Variants in TMEM178B observed in about 807,000 individuals in gnomAD.
TMEM178B encodes the protein transmembrane protein 178B.
A neutral mutation model predicts 31.0 loss-of-function variants in TMEM178B; 5 were observed. That is an observed-to-expected ratio of 0.16 (90% CI 0.08 to 0.34). The LOEUF (loss-of-function observed/expected upper bound fraction) is 0.34. TMEM178B is among the 10% of genes least tolerant of loss of function. The pLI is 1.00. For missense variants in TMEM178B, 275 were observed against 400.3 expected (o/e 0.69, Z 2.67); for synonymous variants, 164 against 164.0 (o/e 1.00, Z 0.00).
intron 2 of TMEM178B, among the ~76,000 whole-genome samples, chr7:141,217,682 C>T (rs1797181976): frequency 1.3e-5 from 2 of 152,088 alleles, no homozygotes; most frequent in Admixed American, 6.5e-5. Context: ...TCTTCTTTGC[C>T]CCTTGATCTG....
intron 3 of TMEM178B, among the ~76,000 whole-genome samples, chr7:141,455,276 T>A (rs1801943065): frequency 6.6e-6 from 1 of 152,246 alleles, no homozygotes; most frequent in African/African-American, 2.4e-5. Flanking sequence ...TCCCTAGTTC[T>A]ATGAAGTAGT....
chr7:141,150,253 A>C (rs1164972703), intron 1 of TMEM178B, among the ~76,000 whole-genome samples: 1 of 152,194 alleles, frequency 6.6e-6, no homozygotes, highest in Non-Finnish European at 1.5e-5. Context: ...ACAACCCTGA[A>C]CGGCCTTGAA....
chr7:141,337,479 CAA>C (rs568258168), intron 2 of TMEM178B, among the ~76,000 whole-genome samples: 4 of 151,908 alleles, frequency 2.6e-5, no homozygotes, highest in African/African-American at 4.8e-5. Flanking sequence ...AGGTAATTGT[CAA>C]AAAAACTCTA....
intron 2 of TMEM178B, among the ~76,000 whole-genome samples, chr7:141,226,382 C>T (rs1249930211): frequency 6.6e-6 from 1 of 152,136 alleles, no homozygotes; most frequent in Non-Finnish European, 1.5e-5. Context: ...GCCTGAGTCC[C>T]ACACACCACC....
rs10680431 is a variant in TMEM178B at position 141,223,479 on chromosome 7, C to CTTTTTTTT, written c.496+10785_496+10792dup. Among the ~76,000 whole-genome samples the CTTTTTTTT allele has an allele frequency of 9.6e-3, 1,257 of 131,044 alleles. 32 individuals carry two copies. Among genetic ancestry groups the CTTTTTTTT allele is most frequent in the African/African-American group, 0.036 (1,196 of 32,986 alleles). The allele number at this position is 131,044 out of a possible 152,430, so 86.0% of individuals were successfully genotyped here. A position where few individuals can be genotyped will look rare whatever the true frequency, so the allele number is the denominator to read the frequency against. On this transcript the variant is annotated intron_variant, in intron 2 of 3. Coordinates refer to ENST00000565468, the MANE Select transcript of TMEM178B (RefSeq NM_001195278.2). ...GCTGATGTTCTCTGCTGTTTTCACT[C>CTTTTTTTT]TTTTTTTTTTTTTTTTTGTATTTCC...
intron 1 of TMEM178B, among the ~76,000 whole-genome samples, chr7:141,186,186 G>C (rs1253515432): frequency 6.6e-6 from 1 of 152,166 alleles, no homozygotes; most frequent in Non-Finnish European, 1.5e-5. Flanking sequence ...TCAAGGTCAT[G>C]GATAGGAAAC....
At chr7:141,161,123 G>A (rs1275101499) in intron 1 of TMEM178B, among the ~76,000 whole-genome samples, 2 of 152,164 alleles carry the variant, frequency 1.3e-5, no homozygotes, top group Admixed American at 6.5e-5. Flanking sequence ...CCAAAGTGCT[G>A]GGATTACAGG....
chr7:141,490,725 A>T, the TMEM178B span, among the ~76,000 whole-genome samples: 2 of 152,198 alleles, frequency 1.3e-5, no homozygotes, highest in Admixed American at 6.5e-5. Flanking sequence ...TTTTATGGAG[A>T]TGGGTCTCCT....
intron 3 of TMEM178B, among the ~76,000 whole-genome samples, chr7:141,447,462 C>G (rs1801780819): frequency 6.6e-6 from 1 of 152,014 alleles, no homozygotes; most frequent in Non-Finnish European, 1.5e-5. Flanking sequence ...CAGAATGAGA[C>G]AGAGATGACT....
chr7:141,202,030 T>A (rs751728952), intron 1 of TMEM178B, among the ~76,000 whole-genome samples: 17 of 152,170 alleles, frequency 1.1e-4, no homozygotes, highest in Non-Finnish European at 1.8e-4. Flanking sequence ...GCTATGCACT[T>A]TTGATAAGGA....
At chr7:141,164,553 A>G (rs1440651900) in intron 1 of TMEM178B, among the ~76,000 whole-genome samples, 5 of 152,192 alleles carry the variant, frequency 3.3e-5, no homozygotes, top group Admixed American at 2.0e-4. Context: ...GAAAAATGAC[A>G]ATTTGGACTA....
chr7:141,469,897 C>T (rs1013395929), intron 3 of TMEM178B, among the ~76,000 whole-genome samples: 3 of 152,220 alleles, frequency 2.0e-5, no homozygotes, highest in Admixed American at 2.0e-4. Flanking sequence ...GATGCGTGTT[C>T]ATGGGTGAGA....
intron 2 of TMEM178B, among the ~76,000 whole-genome samples, chr7:141,434,515 G>A (rs1801498171): frequency 1.3e-5 from 2 of 152,138 alleles, no homozygotes; most frequent in Admixed American, 1.3e-4. Context: ...TCAGATATTT[G>A]TACATTTTTG....
intron 2 of TMEM178B, among the ~76,000 whole-genome samples, chr7:141,391,903 C>A (rs1243396626): frequency 6.6e-6 from 1 of 152,188 alleles, no homozygotes; most frequent in African/African-American, 2.4e-5. Flanking sequence ...TATGTGCGTG[C>A]CCCATTTTGT....
At chr7:141,505,739 T>C in the TMEM178B span, among the ~76,000 whole-genome samples, 1 of 152,228 alleles carries the variant, frequency 6.6e-6, no homozygotes, top group East Asian at 1.9e-4. Flanking sequence ...CTGATGAGGA[T>C]GGATAAAGGG....
intron 1 of TMEM178B, among the ~76,000 whole-genome samples, chr7:141,164,118 C>T (rs939505796): frequency 6.6e-6 from 1 of 152,102 alleles, no homozygotes; most frequent in Admixed American, 6.5e-5. Context: ...TACAATAGTA[C>T]ACATTTTCCT....
At chr7:141,101,908 CGTGTGTGTGTGTGTGTGTGT>C (rs3032868) in intron 1 of TMEM178B, among the ~76,000 whole-genome samples, 1 of 142,712 alleles carries the variant, frequency 7.0e-6, no homozygotes, top group South Asian at 2.3e-4. Context: ...TGTGTGTTAA[CGTGTGTGTGTGTGTGTGTGT>C]GTGTGTGTGT....
At chr7:141,274,090 G>A (rs1374352087) in intron 2 of TMEM178B, among the ~76,000 whole-genome samples, 1 of 152,166 alleles carries the variant, frequency 6.6e-6, no homozygotes, top group Non-Finnish European at 1.5e-5. Flanking sequence ...CTGCTCAAAT[G>A]TCACGTCTTT....
chr7:141,178,683 A>G (rs1796471168), intron 1 of TMEM178B, among the ~76,000 whole-genome samples: 1 of 152,216 alleles, frequency 6.6e-6, no homozygotes, highest in African/African-American at 2.4e-5. Flanking sequence ...TATGTGCTCC[A>G]TGGTGATCCC....
Sources: allele counts gnomAD v4.1 joint callset (sites outside exome capture counted in the v4.1 genomes callset), GRCh38; gene constraint gnomAD v4.1.1; transcripts MANE v1.5; gene names NCBI Gene and HGNC (gene_info 2026-07-23, HGNC 2026-07-21).